Variants in GABPB2 observed in about 807,000 individuals in gnomAD.
GABPB2 encodes the protein GA binding protein transcription factor subunit beta 2.
Under a neutral mutation model 39.1 loss-of-function variants are expected in GABPB2, and 23 were observed. That is an observed-to-expected ratio of 0.59 (90% CI 0.42 to 0.83). The LOEUF (loss-of-function observed/expected upper bound fraction) is 0.83. GABPB2 is among the 40% of genes least tolerant of loss of function. GABPB2 has a pLI of 0.00. For missense variants in GABPB2, 467 were observed against 541.1 expected (o/e 0.86, Z 1.36); for synonymous variants, 184 against 199.3 (o/e 0.92, Z 0.65).
chr1:151,097,398 G>A (rs750242241), intron 4 of GABPB2, among the ~76,000 whole-genome samples: 5 of 152,098 alleles, frequency 3.3e-5, no homozygotes, highest in African/African-American at 4.8e-5. Context: ...TGATCTCCCT[G>A]GGACATTGTG....
intron 4 of GABPB2, among the ~76,000 whole-genome samples, chr1:151,097,611 C>T (rs1184100941): frequency 1.3e-5 from 2 of 151,862 alleles, no homozygotes; most frequent in Admixed American, 6.6e-5. Flanking sequence ...GCAAAACCCT[C>T]TACTAAAAAT....
intron 7 of GABPB2, among the ~76,000 whole-genome samples, chr1:151,116,012 A>C (rs2101574131): frequency 6.6e-6 from 1 of 152,230 alleles, no homozygotes; most frequent in South Asian, 2.1e-4. Flanking sequence ...CTGAGGCAGG[A>C]GAATTGCTTG....
intron 5 of GABPB2, among the ~76,000 whole-genome samples, chr1:151,099,065 CAA>C (rs1156538391): frequency 1.0e-5 from 1 of 97,274 alleles, no homozygotes; most frequent in African/African-American, 4.1e-5. Context: ...GCCTGGGCAA[CAA>C]GAGTGAAACT....
chr1:151,091,125 T>G (rs1358433878), intron 3 of GABPB2, among the ~76,000 whole-genome samples: 1 of 151,874 alleles, frequency 6.6e-6, no homozygotes, highest in Non-Finnish European at 1.5e-5. Flanking sequence ...CTTGCTCTTG[T>G]GGCCCAGGCT....
At chr1:151,080,709 A>C (rs1677606907) in intron 1 of GABPB2, among the ~76,000 whole-genome samples, 1 of 149,944 alleles carries the variant, frequency 6.7e-6, no homozygotes, top group Admixed American at 6.6e-5. Context: ...TTAGCTGGGC[A>C]TGGTGGCGTG....
chr1:151,076,452 CAG>C (rs1231615106), intron 1 of GABPB2, among the ~76,000 whole-genome samples: 1 of 152,046 alleles, frequency 6.6e-6, no homozygotes, highest in Non-Finnish European at 1.5e-5. Flanking sequence ...TTTTTTGAGA[CAG>C]AGTCTTATTC....
At chr1:151,080,875 G>A (rs587658894) in intron 1 of GABPB2, among the ~76,000 whole-genome samples, 2 of 142,522 alleles carry the variant, frequency 1.4e-5, no homozygotes, top group African/African-American at 2.5e-5. Flanking sequence ...AAATAAAAAA[G>A]AAAGGTTTTT....
At position 151,118,127 on chromosome 1, in the gene GABPB2, A is replaced by C. The variant is rs757900043; in HGVS notation, c.1218A>C (p.Glu406Asp). The C allele has an allele frequency of 2.5e-6, 4 of 1,614,180 alleles. No homozygotes were observed. Among genetic ancestry groups the C allele is most frequent in the Non-Finnish European group, 3.4e-6 (4 of 1,180,034 alleles). The change falls in exon 9 of 9, where the codon GAA (glutamate) becomes GAC (aspartate). Residue 406 changes from glutamate (E) to aspartate (D), a missense_variant. Glu to Asp is a conservative substitution (Grantham distance 45). Coordinates refer to ENST00000368918, the MANE Select transcript of GABPB2 (RefSeq NM_144618.3). ...ATGGAGTTGATTTCACCATGGTTGA[A>C]GAGGTGGCTGAGGTAGATGCTGTAG... ...QPNGVDFTMV[E>D]EVAEVDAVVV...
rs1398866385 is a variant in GABPB2, at chr1:151,090,660, T to G, written c.276+87T>G. On this transcript the variant is annotated intron_variant, in intron 3 of 8. Coordinates refer to ENST00000368918, the MANE Select transcript of GABPB2 (RefSeq NM_144618.3). ...ACTTAAATGGGTACTAGGAAATGAC[T>G]TGGGAATGATTAAGTTTAGGACAGT... 6.1e-6 allele frequency: 8 copies of G among 1,302,822 alleles called. No homozygotes were observed. The South Asian group carries it at 1.0e-4, about 17-fold the overall frequency. The allele number at this position is 1,302,822 out of a possible 1,614,324, so 80.7% of individuals were successfully genotyped here.
chr1:151,113,715 G>A (rs587655366), intron 7 of GABPB2, among the ~76,000 whole-genome samples: 1 of 152,142 alleles, frequency 6.6e-6, no homozygotes, highest in Admixed American at 6.5e-5. Flanking sequence ...ACAGGGTTTT[G>A]CCATGTTGGC....
chr1:151,117,642 G>A, intron 8 of GABPB2, 126 bp downstream of exon 8: 2 of 1,034,734 alleles, frequency 1.9e-6, no homozygotes, highest in Non-Finnish European at 1.4e-6. Context: ...GGAGTACAGT[G>A]GCATGATCTC....
chr1:151,111,097 G>A (rs1194552508), intron 7 of GABPB2, among the ~76,000 whole-genome samples: 5 of 152,046 alleles, frequency 3.3e-5, no homozygotes, highest in South Asian at 2.1e-4. Flanking sequence ...TTGCCAACAC[G>A]GTGAAACCCC....
intron 1 of GABPB2, among the ~76,000 whole-genome samples, chr1:151,080,293 C>T (rs587746467): frequency 1.3e-5 from 2 of 148,852 alleles, no homozygotes; most frequent in East Asian, 4.0e-4. Context: ...GGGCAAATCA[C>T]CTGAGGTCAG....
chr1:151,095,365 G>A (rs1220852233), intron 4 of GABPB2, among the ~76,000 whole-genome samples: 3 of 152,180 alleles, frequency 2.0e-5, no homozygotes, highest in Non-Finnish European at 2.9e-5. Context: ...GCTTTACAGC[G>A]TGTGAAGGAG....
intron 5 of GABPB2, among the ~76,000 whole-genome samples, chr1:151,101,545 G>T (rs1346387510): frequency 6.6e-6 from 1 of 151,788 alleles, no homozygotes; most frequent in Non-Finnish European, 1.5e-5. Flanking sequence ...CTGCACTCCA[G>T]TCTGGGCAAC....
chr1:151,084,532 GTTTT>G (rs759845986), intron 1 of GABPB2, among the ~76,000 whole-genome samples: 1 of 98,606 alleles, frequency 1.0e-5, no homozygotes, highest in Non-Finnish European at 2.1e-5. Flanking sequence ...GGCCCTAGCT[GTTTT>G]TTTTTTTTTT....
Position 151,093,185 on chromosome 1 carries a change from G to C in GABPB2, c.277-7G>C, listed in dbSNP as rs752171961. 9 of 1,536,012 alleles carry C rather than the reference G, an allele frequency of 5.9e-6. No individual in the cohort carries two copies. The East Asian group carries it at 2.2e-4, about 37-fold the overall frequency. ...TGTTTGTTGAAAAAAATGCTTTTCT[G>C]TGACAGAATGGTGCAGATGTGAATG... is the stretch of plus-strand genomic sequence containing the variant. On this transcript the variant is annotated splice_polypyrimidine_tract_variant and splice_region_variant and intron_variant, in intron 3 of 8. Transcript: ENST00000368918.
chr1:151,098,501 TAAAAAA>T (rs748009017), intron 5 of GABPB2, among the ~76,000 whole-genome samples: 2 of 117,516 alleles, frequency 1.7e-5, no homozygotes, highest in South Asian at 2.7e-4. Flanking sequence ...ACCCTGTCTC[TAAAAAA>T]AAAAAAAAAA....
At chr1:151,090,602 T>C (rs1216140347) in intron 3 of GABPB2, 29 bp downstream of exon 3, 1 of 1,606,746 alleles carries the variant, frequency 6.2e-7, no homozygotes, top group Non-Finnish European at 8.5e-7. Context: ...CAAGGTTATG[T>C]TGTTAAAAAG....
Sources: allele counts gnomAD v4.1 joint callset (sites outside exome capture counted in the v4.1 genomes callset), GRCh38; gene constraint gnomAD v4.1.1; transcripts MANE v1.5; gene names NCBI Gene and HGNC (gene_info 2026-07-23, HGNC 2026-07-21).